The following ABCE1 variants were observed in gnomAD, a reference collection of about 807,000 sequenced individuals.
ABCE1 encodes the protein ATP binding cassette subfamily E member 1.
ABCE1 carries 22 observed loss-of-function variants against 83.4 expected under a neutral mutation model. The ratio of observed to expected loss-of-function variants is 0.26; its 90% CI spans 0.19 to 0.38. ABCE1 has a LOEUF of 0.38. ABCE1 is among the 10% of genes least tolerant of loss of function. The pLI is 1.00. For missense variants in ABCE1, 330 were observed against 721.9 expected (o/e 0.46, Z 6.22); for synonymous variants, 204 against 233.7 (o/e 0.87, Z 1.16).
chr4:145,121,071 TA>T, intron 11 of ABCE1, 102 bp from the exon 12 acceptor site: 1 of 1,096,854 alleles, frequency 9.1e-7, no homozygotes, highest in Non-Finnish European at 1.4e-6. Context: ...TGTCAGTGTA[TA>T]TCTTTAAAAC....
intron 13 of ABCE1, chr4:145,121,634 G>C (rs977324797): frequency 2.7e-6 from 1 of 374,318 alleles, no homozygotes; most frequent in Admixed American, 4.4e-5. Flanking sequence ...AACACTTCGG[G>C]AGGCCTAGGC....
chr4:145,116,459 T>C (rs1012038100), intron 9 of ABCE1, among the ~76,000 whole-genome samples: 1 of 151,922 alleles, frequency 6.6e-6, no homozygotes, highest in East Asian at 1.9e-4. Flanking sequence ...GAATAAAATG[T>C]CATTTTTGAG....
chr4:145,099,062 C>G (rs1749014993), intron 1 of ABCE1, among the ~76,000 whole-genome samples: 1 of 152,212 alleles, frequency 6.6e-6, no homozygotes, highest in African/African-American at 2.4e-5. Flanking sequence ...TTTTGTAGCA[C>G]TAGGCACTTT....
intron 8 of ABCE1, among the ~76,000 whole-genome samples, chr4:145,111,512 G>A (rs995215732): frequency 1.3e-4 from 20 of 152,004 alleles, no homozygotes; most frequent in Non-Finnish European, 1.2e-4. Flanking sequence ...ATTTTTAGTA[G>A]AGACGGGGTT....
In ABCE1 at chr4:145,117,384, G is replaced by A. The variant is rs771415645; in HGVS notation, c.892G>A (p.Val298Ile). 6.2e-7 allele frequency: 1 copy of A among 1,611,178 alleles called. No homozygotes were observed. ...CLYGVPSAYG[V>I]VTMPFSVREG... Reference sequence around the variant, plus strand: ...ATATGGTGTACCAAGCGCCTATGGAGTTGTCACTATGCCTTTTAGTGTAAG... The same window carrying A: ...ATATGGTGTACCAAGCGCCTATGGAATTGTCACTATGCCTTTTAGTGTAAG... Residue 298 changes from valine to isoleucine, a missense_variant, in exon 10 of 18, where the codon GTT (valine) becomes ATT (isoleucine). By Grantham distance (29) the Val-to-Ile change is conservative (BLOSUM62 3). Transcript: ENST00000296577.
chr4:145,121,148 C>G (rs958632493), intron 11 of ABCE1, 26 bp from the exon 12 acceptor site: 2 of 1,610,954 alleles, frequency 1.2e-6, no homozygotes, highest in Non-Finnish European at 1.7e-6. Flanking sequence ...TCTTTCAGAT[C>G]AAACTGTCAT....
At chr4:145,109,789 T>C (rs560345873) in intron 5 of ABCE1, among the ~76,000 whole-genome samples, 2 of 152,338 alleles carry the variant, frequency 1.3e-5, no homozygotes, top group South Asian at 4.1e-4. Context: ...AAAGATATCT[T>C]GGATACCTGA....
At chr4:145,121,999 G>A (rs2082375065) in intron 13 of ABCE1, 1 of 152,272 alleles carries the variant, frequency 6.6e-6, no homozygotes, top group Non-Finnish European at 1.5e-5. Context: ...CAAGATGGGA[G>A]AAACATTTGC....
At chr4:145,126,716 A>C (rs1749898899) in intron 17 of ABCE1, among the ~76,000 whole-genome samples, 1 of 152,116 alleles carries the variant, frequency 6.6e-6, no homozygotes, top group South Asian at 2.1e-4. Context: ...TGTAGCATTT[A>C]TTTTCATATT....
At chr4:145,123,385 T>C (rs758708311) in intron 15 of ABCE1, 28 bp downstream of exon 15, 1 of 1,596,146 alleles carries the variant, frequency 6.3e-7, no homozygotes, top group Non-Finnish European at 8.6e-7. Context: ...AGCCATATTT[T>C]GATTATGTAT....
At chr4:145,125,704 T>C (rs950691022) in intron 17 of ABCE1, among the ~76,000 whole-genome samples, 1 of 152,146 alleles carries the variant, frequency 6.6e-6, no homozygotes, top group Non-Finnish European at 1.5e-5. Flanking sequence ...TAATTCACCA[T>C]TGTAACAAAG....
At chr4:145,109,313 G>A in intron 5 of ABCE1, 64 bp downstream of exon 5, 1 of 854,926 alleles carries the variant, frequency 1.2e-6, no homozygotes, top group Non-Finnish European at 1.8e-6. Flanking sequence ...TTGGGGGGAT[G>A]ATATGTATAT....
chr4:145,112,883 A>C (rs1749518985), intron 9 of ABCE1, among the ~76,000 whole-genome samples: 11 of 152,186 alleles, frequency 7.2e-5, no homozygotes, highest in Admixed American at 7.2e-4. Context: ...ATGAAGCACA[A>C]GGTCAAAAAT....
At chr4:145,112,762 C>T (rs867107333) in intron 9 of ABCE1, among the ~76,000 whole-genome samples, 1 of 152,106 alleles carries the variant, frequency 6.6e-6, no homozygotes, top group Non-Finnish European at 1.5e-5. Flanking sequence ...ATTCAAAATA[C>T]GCTGTGTTTA....
At chr4:145,104,305 A>G in intron 1 of ABCE1, 81 bp from the exon 2 acceptor site, 1 of 516,502 alleles carries the variant, frequency 1.9e-6, no homozygotes, top group Non-Finnish European at 3.3e-6. Flanking sequence ...TATAATGATC[A>G]TTTATGTTTT....
chr4:145,103,453 T>G (rs1336103832), intron 1 of ABCE1, among the ~76,000 whole-genome samples: 1 of 152,196 alleles, frequency 6.6e-6, no homozygotes, highest in African/African-American at 2.4e-5. Context: ...TGTGAAAGAT[T>G]TTTAAGTTAA....
intron 9 of ABCE1, among the ~76,000 whole-genome samples, chr4:145,115,937 A>G (rs1749597781): frequency 6.6e-6 from 1 of 151,948 alleles, no homozygotes; most frequent in South Asian, 2.1e-4. Context: ...TTATGGGGTA[A>G]TCAAAAATAA....
chr4:145,120,288 T>C, intron 11 of ABCE1, 135 bp downstream of exon 11: 1 of 718,122 alleles, frequency 1.4e-6, no homozygotes, highest in East Asian at 2.9e-5. Flanking sequence ...ACAAATTTCT[T>C]AGTGTACTTT....
intron 9 of ABCE1, among the ~76,000 whole-genome samples, chr4:145,112,862 C>G (rs1384775127): frequency 6.6e-6 from 1 of 152,020 alleles, no homozygotes; most frequent in Non-Finnish European, 1.5e-5. Context: ...GATGGTATTC[C>G]TATTTTGCAG....
Sources: gnomAD v4.1 joint callset for allele counts (sites outside exome capture counted in the v4.1 genomes callset) on GRCh38, gnomAD v4.1.1 for gene constraint, MANE v1.5 for transcripts, NCBI Gene and HGNC (gene_info 2026-07-23, HGNC 2026-07-21) for gene names.